The following KIAA0825 variants were observed in gnomAD, a reference collection of about 807,000 sequenced individuals.
KIAA0825 encodes uncharacterized protein KIAA0825.
A neutral mutation model predicts 147.6 loss-of-function variants in KIAA0825; 119 were observed. The observed-to-expected ratio is 0.81, with a 90% CI of 0.69 to 0.94. The LOEUF is 0.94. Among genes scored for constraint, KIAA0825 ranks in the 40% least tolerant of loss-of-function variants. The pLI is 0.00. For missense variants in KIAA0825, 1,381 were observed against 1,472.7 expected (o/e 0.94, Z 1.02); for synonymous variants, 470 against 518.1 (o/e 0.91, Z 1.26).
chr5:94,470,872 A>G (rs192754308), intron 9 of KIAA0825, among the ~76,000 whole-genome samples: 1 of 152,312 alleles, frequency 6.6e-6, no homozygotes, highest in Non-Finnish European at 1.5e-5. Flanking sequence ...ATATCTAGAC[A>G]GTGTAAGGGC....
intron 20 of KIAA0825, among the ~76,000 whole-genome samples, chr5:94,236,032 C>T (rs568410931): frequency 2.5e-4 from 38 of 152,262 alleles, no homozygotes; most frequent in Non-Finnish European, 3.5e-4. Context: ...GTTTTTATGC[C>T]GCTAACACCA....
intron 2 of KIAA0825, among the ~76,000 whole-genome samples, chr5:94,546,602 T>C (rs1774432270): frequency 6.6e-6 from 1 of 151,652 alleles, no homozygotes; most frequent in Non-Finnish European, 1.5e-5. Flanking sequence ...GATAATCTAG[T>C]GAATTCTCCT....
At chr5:94,450,143 T>C (rs1562508536) in intron 13 of KIAA0825, among the ~76,000 whole-genome samples, 1 of 151,734 alleles carries the variant, frequency 6.6e-6, no homozygotes, top group Non-Finnish European at 1.5e-5. Flanking sequence ...TTGGAAAATA[T>C]AGACAACTAT....
chr5:94,293,483 T>G (rs942620918), intron 20 of KIAA0825, among the ~76,000 whole-genome samples: 1 of 152,234 alleles, frequency 6.6e-6, no homozygotes, highest in African/African-American at 2.4e-5. Context: ...AGACTGTTTG[T>G]TATGATTTCC....
At chr5:94,465,812 A>G (rs2150967276) in intron 10 of KIAA0825, among the ~76,000 whole-genome samples, 1 of 152,320 alleles carries the variant, frequency 6.6e-6, no homozygotes, top group East Asian at 1.9e-4. Flanking sequence ...CCGACTGCAG[A>G]GGAAGAATTA....
rs547108273 is a variant in KIAA0825, at chr5:94,473,571, G to A, written c.1228-52C>T. On this transcript the variant is annotated intron_variant, in intron 7 of 20. Coordinates refer to ENST00000682413, the MANE Select transcript of KIAA0825 (RefSeq NM_001145678.3). ...TGTTAATCTTAACTCAGCAACAAAT[G>A]TTTCTATTGTTATAGATATAAAATT... 1.7e-5 allele frequency: 19 copies of A among 1,087,790 alleles called. No homozygotes were observed. In the South Asian group the frequency reaches 2.3e-4, roughly 13 times the overall value. 67.4% of individuals were successfully genotyped at this position (1,087,790 alleles called of 1,614,324 possible).
At chr5:94,323,622 G>GTT (rs935479888) in intron 20 of KIAA0825, among the ~76,000 whole-genome samples, 68 of 151,218 alleles carry the variant, frequency 4.5e-4, no homozygotes, top group Admixed American at 2.0e-4. Flanking sequence ...AAGACACTCC[G>GTT]TTTAAACAGA....
intron 1 of KIAA0825, among the ~76,000 whole-genome samples, chr5:94,617,265 C>T (rs1790784575): frequency 6.6e-6 from 1 of 151,996 alleles, no homozygotes; most frequent in Non-Finnish European, 1.5e-5. Context: ...ATAATACTTT[C>T]AACTGGAGAA....
intron 20 of KIAA0825, among the ~76,000 whole-genome samples, chr5:94,188,856 C>A (rs912526237): frequency 6.6e-6 from 1 of 152,182 alleles, no homozygotes; most frequent in African/African-American, 2.4e-5. Context: ...AGATTGATTT[C>A]TAAAGTGGCT....
chr5:94,253,686 T>C (rs1562335893), intron 20 of KIAA0825, among the ~76,000 whole-genome samples: 1 of 152,104 alleles, frequency 6.6e-6, no homozygotes, highest in Non-Finnish European at 1.5e-5. Flanking sequence ...TTCAACATCA[T>C]ATATTTTTGT....
intron 14 of KIAA0825, among the ~76,000 whole-genome samples, chr5:94,423,936 G>A (rs190312495): frequency 5.3e-4 from 80 of 152,092 alleles, no homozygotes; most frequent in Middle Eastern, 6.8e-3. Context: ...AAATCTAATT[G>A]GAAAATTAGT....
chr5:94,608,323 G>A (rs964551290), intron 1 of KIAA0825, among the ~76,000 whole-genome samples: 61 of 134,754 alleles, frequency 4.5e-4, no homozygotes, highest in African/African-American at 1.7e-3. Flanking sequence ...GTGCAGTGCT[G>A]CAATATCCGC....
intron 2 of KIAA0825, among the ~76,000 whole-genome samples, chr5:94,547,716 G>A (rs1363154497): frequency 3.2e-5 from 4 of 123,222 alleles, no homozygotes; most frequent in African/African-American, 1.4e-4. Context: ...CAGCCTGCAC[G>A]ACAGGGTAAG....
intron 20 of KIAA0825, among the ~76,000 whole-genome samples, chr5:94,228,064 A>G (rs151269002): frequency 2.3e-4 from 35 of 152,342 alleles, no homozygotes; most frequent in African/African-American, 8.4e-4. Context: ...GTCTTAGTCC[A>G]TCCATGAAAT....
At chr5:94,483,171 A>G (rs1164632972) in intron 6 of KIAA0825, among the ~76,000 whole-genome samples, 2 of 152,004 alleles carry the variant, frequency 1.3e-5, no homozygotes, top group African/African-American at 2.4e-5. Context: ...TCAGTGTAAC[A>G]TCTTTATAAT....
intron 1 of KIAA0825, among the ~76,000 whole-genome samples, chr5:94,611,369 C>T (rs1788739659): frequency 6.6e-6 from 1 of 151,936 alleles, no homozygotes; most frequent in Admixed American, 6.6e-5. Flanking sequence ...ATAACAAATA[C>T]ATTTTATATC....
At chr5:94,383,173 A>G (rs936597833) in intron 20 of KIAA0825, among the ~76,000 whole-genome samples, 3 of 152,156 alleles carry the variant, frequency 2.0e-5, no homozygotes, top group African/African-American at 7.2e-5. Flanking sequence ...GCCAGGTGGT[A>G]AGCTTGCTGG....
chr5:94,151,423 C>CAAAAAAA lies in KIAA0825; in HGVS notation c.*2577_*2583dup, dbSNP rs11363132. 1.4e-4 allele frequency among the ~76,000 whole-genome samples: 3 copies of CAAAAAAA among 21,524 alleles called. No homozygotes were observed. The highest frequency in any genetic ancestry group is 2.6e-3 in the South Asian group (1 of 382). The allele number at this position is 21,524 out of a possible 152,430, so 14.1% of individuals were successfully genotyped here. A position where few individuals can be genotyped will look rare whatever the true frequency, so the allele number is the denominator to read the frequency against. On this transcript the variant is annotated 3_prime_UTR_variant, in exon 21 of 21. Transcript: ENST00000682413. ...TGGGCGACAGAGCGAGACTCCGTCTCAAAAAAAAAAAAAAAAAAAAAAAAA... is the reference window on the plus strand; with the variant it reads ...TGGGCGACAGAGCGAGACTCCGTCTCAAAAAAAAAAAAAAAAAAAAAAAAAAAAAAAA...
At chr5:94,318,792 CAGGAAGT>C (rs940533136) in intron 20 of KIAA0825, among the ~76,000 whole-genome samples, 19 of 151,870 alleles carry the variant, frequency 1.3e-4, no homozygotes, top group Non-Finnish European at 4.4e-5. Flanking sequence ...CTGGGATCTG[CAGGAAGT>C]TGGAAGAAGT....
Sources: gnomAD v4.1 joint callset for allele counts (sites outside exome capture counted in the v4.1 genomes callset) on GRCh38, gnomAD v4.1.1 for gene constraint, MANE v1.5 for transcripts, NCBI Gene and HGNC (gene_info 2026-07-23, HGNC 2026-07-21) for gene names.